KAZN: variants seen among roughly 807,000 people sequenced by gnomAD.
KAZN encodes the protein kazrin.
A neutral mutation model predicts 87.4 loss-of-function variants in KAZN; 40 were observed. The ratio of observed to expected loss-of-function variants is 0.46; its 90% CI spans 0.36 to 0.60. KAZN has a LOEUF of 0.60. KAZN is among the 20% of genes least tolerant of loss of function. The pLI is 0.00. For synonymous variants in KAZN, 466 were observed against 458.3 expected, an observed-to-expected ratio of 1.02 and a Z score of -0.22; for missense variants, 898 against 1,073.9, an observed-to-expected ratio of 0.84 and a Z score of 2.29.
At chr1:14,627,236 G>A (rs1468453199) in intron 1 of KAZN, among the ~76,000 whole-genome samples, 2 of 151,908 alleles carry the variant, frequency 1.3e-5, no homozygotes, top group African/African-American at 2.4e-5. Context: ...GGATGTCAGG[G>A]GGCCAAGCGT....
chr1:14,237,225 G>C (rs888844144), intron 2 of KAZN, among the ~76,000 whole-genome samples: 1 of 152,154 alleles, frequency 6.6e-6, no homozygotes, highest in African/African-American at 2.4e-5. Flanking sequence ...CGTGAAAACT[G>C]TACTCAGTAG....
intron 2 of KAZN, among the ~76,000 whole-genome samples, chr1:14,336,588 A>G (rs1014716082): frequency 7.9e-5 from 12 of 152,206 alleles, no homozygotes; most frequent in Non-Finnish European, 1.6e-4. Flanking sequence ...CAATGCACAA[A>G]GGTTCCATTT....
chr1:14,577,735 G>A (rs550274509), intron 2 of KAZN, among the ~76,000 whole-genome samples: 55 of 152,234 alleles, frequency 3.6e-4, no homozygotes, highest in African/African-American at 1.3e-3. Flanking sequence ...CTTCCCAATC[G>A]TGATAGTGAT....
chr1:14,322,480 C>G (rs1177539145), intron 2 of KAZN, among the ~76,000 whole-genome samples: 2 of 152,084 alleles, frequency 1.3e-5, no homozygotes, highest in Middle Eastern at 3.2e-3. Context: ...TAAACTGTCT[C>G]CTGGAGTTAG....
intron 1 of KAZN, among the ~76,000 whole-genome samples, chr1:14,802,170 C>T (rs576003948): frequency 6.6e-6 from 1 of 152,090 alleles, no homozygotes; most frequent in African/African-American, 2.4e-5. Flanking sequence ...CTTTGGGAGG[C>T]CAAGGCTGGT....
At chr1:14,138,994 G>A (rs1438775890) in intron 1 of KAZN, among the ~76,000 whole-genome samples, 2 of 152,234 alleles carry the variant, frequency 1.3e-5, no homozygotes, top group African/African-American at 4.8e-5. Context: ...TGAAGTTAAT[G>A]TCTGGGCTGG....
chr1:14,515,994 C>T (rs975196739), intron 2 of KAZN, among the ~76,000 whole-genome samples: 2 of 152,058 alleles, frequency 1.3e-5, no homozygotes, highest in Admixed American at 1.3e-4. Flanking sequence ...TCACTAGGGC[C>T]TAAACAGGAG....
At position 14,065,566 on chromosome 1, in the gene KAZN, TAA is replaced by T. The variant is rs201024966; in HGVS notation, c.92-114854_92-114853del. On this transcript the variant is annotated intron_variant, in intron 1 of 16. Coordinates refer to the KAZN transcript ENST00000636203. ...TCTTGGGCCAAATCAGAAATGCATT[TAA>T]AAAAAAAAAAAAAAGCTCCCAAAGG... Among the ~76,000 whole-genome samples the T allele has an allele frequency of 2.9e-3, 385 of 130,934 alleles. 3 individuals are homozygous for T. The highest frequency in any genetic ancestry group is 9.7e-3 in the African/African-American group (346 of 35,734). The allele number at this position is 130,934 out of a possible 152,430, so 85.9% of individuals were successfully genotyped here. A position where few individuals can be genotyped will look rare whatever the true frequency, so the allele number is the denominator to read the frequency against.
At chr1:13,972,024 G>A (rs535082372) in intron 1 of KAZN, among the ~76,000 whole-genome samples, 4 of 152,224 alleles carry the variant, frequency 2.6e-5, no homozygotes, top group African/African-American at 7.2e-5. Context: ...TGATTACCCA[G>A]TCTCAGGCAT....
At chr1:14,007,613 G>A (rs186040623) in intron 1 of KAZN, among the ~76,000 whole-genome samples, 2 of 152,324 alleles carry the variant, frequency 1.3e-5, no homozygotes, top group Admixed American at 6.5e-5. Context: ...ATCTGATGGT[G>A]TATCTATAGT....
At chr1:14,261,434 A>G (rs569635068) in intron 2 of KAZN, among the ~76,000 whole-genome samples, 2 of 152,298 alleles carry the variant, frequency 1.3e-5, no homozygotes, top group South Asian at 4.2e-4. Context: ...CTGGGTCCTC[A>G]GGATGGAGCT....
chr1:14,227,130 G>GA (rs34197768), intron 2 of KAZN, among the ~76,000 whole-genome samples: 46,336 of 152,018 alleles, frequency 0.3, 7,235 homozygotes, highest in East Asian at 0.47. Flanking sequence ...CCTATATGTA[G>GA]AATCTTTGTG....
chr1:14,301,061 A>G (rs1654516556), intron 2 of KAZN, among the ~76,000 whole-genome samples: 1 of 152,180 alleles, frequency 6.6e-6, no homozygotes, highest in South Asian at 2.1e-4. Context: ...TGGAACAATG[A>G]AGCCTGAACC....
chr1:14,732,582 C>T (rs1042506793), intron 1 of KAZN, among the ~76,000 whole-genome samples: 3 of 152,124 alleles, frequency 2.0e-5, no homozygotes, highest in Middle Eastern at 3.4e-3. Flanking sequence ...GAGGTTGCAG[C>T]GAGCCAAGAT....
intron 1 of KAZN, among the ~76,000 whole-genome samples, chr1:14,928,709 GC>G (rs1190252349): frequency 6.6e-6 from 1 of 152,176 alleles, no homozygotes; most frequent in African/African-American, 2.4e-5. Flanking sequence ...TTACGAAGCT[GC>G]CCACTAGGAC....
At chr1:14,869,048 CT>C (rs1476327925) in intron 1 of KAZN, among the ~76,000 whole-genome samples, 3 of 152,122 alleles carry the variant, frequency 2.0e-5, no homozygotes, top group Non-Finnish European at 4.4e-5. Flanking sequence ...CCAGATTCCC[CT>C]TCTCTAGTTC....
chr1:14,473,593 C>T (rs1401874346), intron 2 of KAZN, among the ~76,000 whole-genome samples: 2 of 150,218 alleles, frequency 1.3e-5, no homozygotes, highest in East Asian at 2.0e-4. Flanking sequence ...GCCACAAGAT[C>T]GCGCCACTGC....
intron 2 of KAZN, among the ~76,000 whole-genome samples, chr1:14,235,420 TAGTC>T (rs1376061787): frequency 6.6e-5 from 10 of 152,304 alleles, no homozygotes; most frequent in East Asian, 3.9e-4. Context: ...GATAAATTCA[TAGTC>T]AGAAAGCAGA....
At chr1:14,717,424 G>A (rs1235673344) in intron 1 of KAZN, among the ~76,000 whole-genome samples, 1 of 152,046 alleles carries the variant, frequency 6.6e-6, no homozygotes, top group Admixed American at 6.5e-5. Context: ...AACCTCTAGA[G>A]GAGGCTCCTT....
Sources: gnomAD v4.1 joint callset for allele counts (sites outside exome capture counted in the v4.1 genomes callset) on GRCh38, gnomAD v4.1.1 for gene constraint, MANE v1.5 for transcripts, NCBI Gene and HGNC (gene_info 2026-07-23, HGNC 2026-07-21) for gene names.